SUPT3H: variants seen among roughly 807,000 people sequenced by gnomAD.
SUPT3H encodes SPT3 homolog, SAGA and STAGA complex component, also known as transcription initiation protein SPT3 homolog.
Under a neutral mutation model 44.3 loss-of-function variants are expected in SUPT3H, and 44 were observed. The ratio of observed to expected loss-of-function variants is 0.99; its 90% CI spans 0.78 to 1.28. SUPT3H has a LOEUF of 1.28. SUPT3H is among the 50% of genes most tolerant of loss of function. SUPT3H has a pLI of 0.00. For synonymous variants in SUPT3H, 124 were observed against 125.6 expected (o/e 0.99, Z 0.09); for missense variants, 380 against 387.1 (o/e 0.98, Z 0.15).
chr6:45,052,719 T>C (rs1158693934), intron 3 of SUPT3H, among the ~76,000 whole-genome samples: 1 of 152,232 alleles, frequency 6.6e-6, no homozygotes, highest in Non-Finnish European at 1.5e-5. Context: ...GACTACACCT[T>C]ACCCTAAACT....
At chr6:45,319,059 T>C (rs974362556) in intron 2 of SUPT3H, among the ~76,000 whole-genome samples, 8 of 152,168 alleles carry the variant, frequency 5.3e-5, no homozygotes, top group East Asian at 3.8e-4. Flanking sequence ...TACACTGATA[T>C]CTTTTAAAAT....
chr6:45,314,768 CCA>C (rs1469250336), intron 2 of SUPT3H, among the ~76,000 whole-genome samples: 2 of 151,858 alleles, frequency 1.3e-5, no homozygotes, highest in East Asian at 3.9e-4. Flanking sequence ...CCACCATTCT[CCA>C]CAGTTAGAAA....
At chr6:44,957,166 G>A (rs1002919795) in intron 7 of SUPT3H, among the ~76,000 whole-genome samples, 1 of 149,304 alleles carries the variant, frequency 6.7e-6, no homozygotes, top group Non-Finnish European at 1.5e-5. Context: ...GGCCCCACGG[G>A]TCTATAAAAC....
chr6:44,959,001 A>C (rs761314223), intron 7 of SUPT3H, among the ~76,000 whole-genome samples: 9 of 145,178 alleles, frequency 6.2e-5, no homozygotes, highest in Non-Finnish European at 1.3e-4. Context: ...TTGGCCTCCC[A>C]AGTAGCTGGG....
At position 45,095,505 on chromosome 6, in the gene SUPT3H, GTTC is replaced by G. The variant is rs1797675393; in HGVS notation, c.186+10414_186+10416del. Among the ~76,000 whole-genome samples, 3 of 152,024 alleles carry G rather than the reference GTTC, an allele frequency of 2.0e-5. No individual in the cohort carries two copies. In the South Asian group the frequency reaches 6.2e-4, roughly 32 times the overall value. On this transcript the variant is annotated intron_variant, in intron 3 of 10. Transcript: ENST00000371459. The surrounding 1 kb of genome is among the most constrained non-coding windows in gnomAD (Gnocchi z 4.1). ...CATAACTCTTCACACTTATAAATTT[GTTC>G]TTTATTACTTTTCATAATTAAGGAG...
intron 3 of SUPT3H, chr6:45,098,535 G>C (rs1197713281): frequency 3.9e-6 from 1 of 254,822 alleles, no homozygotes; most frequent in African/African-American, 2.3e-5. Flanking sequence ...GGTGAAAGGA[G>C]AGTATAAGAG....
intron 2 of SUPT3H, among the ~76,000 whole-genome samples, chr6:45,204,463 AG>A (rs1163210920): frequency 1.3e-5 from 2 of 152,162 alleles, no homozygotes; most frequent in Non-Finnish European, 2.9e-5. Flanking sequence ...ACACTTATAA[AG>A]AATCTACTTT....
At chr6:45,025,643 G>C (rs1420057430) in intron 3 of SUPT3H, among the ~76,000 whole-genome samples, 2 of 152,108 alleles carry the variant, frequency 1.3e-5, no homozygotes, top group Non-Finnish European at 2.9e-5. Context: ...CAGCACTTTG[G>C]GAGGCCGAGA....
chr6:45,323,359 T>C (rs1462520906), intron 2 of SUPT3H, among the ~76,000 whole-genome samples: 3 of 151,900 alleles, frequency 2.0e-5, no homozygotes, highest in African/African-American at 4.9e-5. Context: ...ACCTTAAATA[T>C]ATTAAAACCC....
At chr6:45,188,268 C>T (rs1027056900) in intron 2 of SUPT3H, among the ~76,000 whole-genome samples, 2 of 152,134 alleles carry the variant, frequency 1.3e-5, no homozygotes, top group South Asian at 2.1e-4. Context: ...CTTGATTTAA[C>T]AAGGAAAGGA....
Position 45,331,338 on chromosome 6 carries a change from T to C in SUPT3H, c.101+33863A>G, listed in dbSNP as rs550217394. Among the ~76,000 whole-genome samples the C allele has an allele frequency of 6.6e-4, 100 of 152,154 alleles. 1 individual carries two copies. The Middle Eastern group carries it at 0.014, about 21-fold the overall frequency. ...TGAAAATATATCAGCTGACTGATTA[T>C]CTACATAAAATCTTTGTAACTGCTT... On this transcript the variant is annotated intron_variant, in intron 2 of 10. Coordinates refer to ENST00000371459, the MANE Select transcript of SUPT3H (RefSeq NM_003599.4).
At chr6:45,165,155 T>C (rs1809636492) in intron 2 of SUPT3H, among the ~76,000 whole-genome samples, 1 of 152,136 alleles carries the variant, frequency 6.6e-6, no homozygotes, top group African/African-American at 2.4e-5. Flanking sequence ...CAGAGAGAAA[T>C]TCCCTGTCTG....
chr6:45,050,450 G>A (rs369550822), intron 3 of SUPT3H, among the ~76,000 whole-genome samples: 1 of 150,194 alleles, frequency 6.7e-6, no homozygotes. Context: ...GAAAGGCAAA[G>A]AAAAAAAAAA....
chr6:44,977,831 A>G (rs934465704), intron 6 of SUPT3H, among the ~76,000 whole-genome samples: 2 of 152,174 alleles, frequency 1.3e-5, no homozygotes, highest in Non-Finnish European at 2.9e-5. Context: ...ATTTGCAATA[A>G]TCTAAAAAAT....
intron 2 of SUPT3H, among the ~76,000 whole-genome samples, chr6:45,258,876 T>C (rs529439830): frequency 6.6e-6 from 1 of 152,302 alleles, no homozygotes; most frequent in South Asian, 2.1e-4. Flanking sequence ...TCCCTTCCAA[T>C]AAAATGTCAC....
At chr6:44,824,192 C>G (rs1767573054), downstream of SUPT3H, among the ~76,000 whole-genome samples, 1 of 152,180 alleles carries the variant, frequency 6.6e-6, no homozygotes, top group Admixed American at 6.5e-5. Flanking sequence ...CCTTACAGGC[C>G]AAACCTATGG....
chr6:44,928,882 C>CAAAATAAATAAAAAAAAAAAAAAAAA (rs1491206167), intron 10 of SUPT3H, among the ~76,000 whole-genome samples: 1 of 20,644 alleles, frequency 4.8e-5, no homozygotes, highest in African/African-American at 3.1e-4. Context: ...GACTCCGTCT[C>CAAAATAAATAAAAAAAAAAAAAAAAA]AAAAAAAAAA....
At chr6:45,018,463 G>A (rs530757941) in intron 4 of SUPT3H, among the ~76,000 whole-genome samples, 1 of 151,898 alleles carries the variant, frequency 6.6e-6, no homozygotes, top group African/African-American at 2.4e-5. Context: ...TGCCCATTCA[G>A]TATGATATTG....
chr6:44,867,924 C>G (rs984215887), intron 10 of SUPT3H, among the ~76,000 whole-genome samples: 6 of 151,338 alleles, frequency 4.0e-5, no homozygotes, highest in Non-Finnish European at 8.8e-5. Context: ...TCCTCCTTCT[C>G]TTTTTCTATC....
Sources: gnomAD v4.1 joint callset for allele counts (sites outside exome capture counted in the v4.1 genomes callset) on GRCh38, gnomAD v4.1.1 for gene constraint, Gnocchi (gnomAD v3.1) non-coding constraint, MANE v1.5 for transcripts, NCBI Gene and HGNC (gene_info 2026-07-23, HGNC 2026-07-21) for gene names.